CERS6: variants seen among roughly 807,000 people sequenced by gnomAD.
CERS6 encodes ceramide synthase 6.
CERS6 carries 26 observed loss-of-function variants against 56.8 expected under a neutral mutation model. The observed-to-expected ratio is 0.46, with a 90% CI of 0.34 to 0.63. CERS6 has a LOEUF of 0.63. Ranked by LOEUF, CERS6 falls within the 30% of genes least tolerant of loss-of-function variation. CERS6 has a pLI of 0.01. For missense variants in CERS6, 415 were observed against 467.5 expected (o/e 0.89, Z 1.04); for synonymous variants, 164 against 173.3 (o/e 0.95, Z 0.42).
At chr2:168,474,886 A>C (rs1308708202) in intron 1 of CERS6, among the ~76,000 whole-genome samples, 1 of 152,218 alleles carries the variant, frequency 6.6e-6, no homozygotes, top group Non-Finnish European at 1.5e-5. Context: ...AATGAAGAAT[A>C]TCTGTCCTTG....
At chr2:168,522,500 T>C (rs1268264591) in intron 1 of CERS6, among the ~76,000 whole-genome samples, 2 of 152,158 alleles carry the variant, frequency 1.3e-5, no homozygotes, top group Admixed American at 6.5e-5. Context: ...TTAGCATTCA[T>C]TGAAGTTAGG....
At chr2:168,739,052 A>ATTTTT (rs59967315) in intron 8 of CERS6, among the ~76,000 whole-genome samples, 128 of 87,646 alleles carry the variant, frequency 1.5e-3, no homozygotes, top group African/African-American at 1.9e-3. Context: ...CACCCGGCTA[A>ATTTTT]TTTTTTTTTT....
intron 6 of CERS6, among the ~76,000 whole-genome samples, chr2:168,709,916 T>C (rs1225635803): frequency 6.6e-6 from 1 of 152,184 alleles, no homozygotes; most frequent in African/African-American, 2.4e-5. Flanking sequence ...AAAATAATTA[T>C]TACATGGCCT....
At chr2:168,622,989 G>C (rs1485854068) in intron 3 of CERS6, among the ~76,000 whole-genome samples, 1 of 152,102 alleles carries the variant, frequency 6.6e-6, no homozygotes, top group Non-Finnish European at 1.5e-5. Flanking sequence ...TATTGTTTAA[G>C]ACATATGGGA....
chr2:168,533,633 G>A (rs1051819929), intron 1 of CERS6, among the ~76,000 whole-genome samples: 2 of 151,992 alleles, frequency 1.3e-5, no homozygotes, highest in Admixed American at 1.3e-4. Flanking sequence ...TTTCTCCCTG[G>A]CTGCCCTTAA....
In CERS6 at chr2:168,770,549, G is replaced by A. The variant is rs1684837455; in HGVS notation, c.*887G>A. 1 of 152,592 alleles carries A rather than the reference G, an allele frequency of 6.6e-6. No homozygotes were observed. The highest frequency in any genetic ancestry group is 2.4e-5 in the African/African-American group (1 of 41,420). 9.5% of individuals were successfully genotyped at this position (152,592 alleles called of 1,614,324 possible). ...TAAAGAGAGCAACTGATTTCAGCCA[G>A]GTTTTGCCACTACCCTATAATTAGT... On this transcript the variant is annotated 3_prime_UTR_variant, in exon 10 of 10. Coordinates refer to ENST00000305747, the MANE Select transcript of CERS6 (RefSeq NM_203463.3).
At chr2:168,660,800 T>G (rs1270017490) in intron 4 of CERS6, among the ~76,000 whole-genome samples, 1 of 152,216 alleles carries the variant, frequency 6.6e-6, no homozygotes, top group Admixed American at 6.5e-5. Flanking sequence ...AAAATTTGTG[T>G]CTCATTTTTT....
intron 3 of CERS6, among the ~76,000 whole-genome samples, chr2:168,569,288 T>A (rs757085736): frequency 6.6e-6 from 1 of 152,280 alleles, no homozygotes; most frequent in Non-Finnish European, 1.5e-5. Flanking sequence ...TGAATTACCT[T>A]ATTAACAGCC....
chr2:168,547,478 C>A, intron 1 of CERS6, 118 bp from the exon 2 acceptor site: 2 of 613,416 alleles, frequency 3.3e-6, no homozygotes, highest in Non-Finnish European at 5.8e-6. Flanking sequence ...AATGTACACC[C>A]ATGAAATCCT....
intron 1 of CERS6, among the ~76,000 whole-genome samples, chr2:168,471,152 C>G (rs1574004320): frequency 6.6e-6 from 1 of 152,230 alleles, no homozygotes; most frequent in East Asian, 1.9e-4. Flanking sequence ...TCCTATTTGC[C>G]TAGTGCTTTC....
intron 3 of CERS6, among the ~76,000 whole-genome samples, chr2:168,588,331 C>A (rs974204077): frequency 1.3e-5 from 2 of 152,116 alleles, no homozygotes; most frequent in African/African-American, 4.8e-5. Flanking sequence ...TTGTACAATG[C>A]AACCATCACC....
At chr2:168,605,788 GC>G (rs1684038344) in intron 3 of CERS6, among the ~76,000 whole-genome samples, 1 of 152,210 alleles carries the variant, frequency 6.6e-6, no homozygotes, top group Non-Finnish European at 1.5e-5. Flanking sequence ...TTGGTGTTAA[GC>G]CTGCAGGTGC....
rs1439012361 is a variant in CERS6, at chr2:168,620,062, C to CACACATATACATAT, written c.408-10922_408-10921insCACATATACATATA. ...ACACACACACACACACACACACACA[C>CACACATATACATAT]ATATTTATATATATATGATCTAATA... On this transcript the variant is annotated intron_variant, in intron 3 of 9. Transcript: ENST00000305747. Among the ~76,000 whole-genome samples, 188 of 70,066 alleles carry CACACATATACATAT rather than the reference C, an allele frequency of 2.7e-3. 5 individuals are homozygous for CACACATATACATAT. In the East Asian group the frequency reaches 0.032, roughly 12 times the overall value. The allele number at this position is 70,066 out of a possible 152,430, so 46.0% of individuals were successfully genotyped here.
intron 1 of CERS6, among the ~76,000 whole-genome samples, chr2:168,484,579 T>G (rs1694242335): frequency 6.6e-6 from 1 of 152,134 alleles, no homozygotes; most frequent in Middle Eastern, 3.2e-3. Flanking sequence ...ACATAATCAT[T>G]AAGTGTCCTG....
intron 8 of CERS6, among the ~76,000 whole-genome samples, chr2:168,731,791 A>C (rs922227979): frequency 6.6e-6 from 1 of 152,216 alleles, no homozygotes; most frequent in Admixed American, 6.5e-5. Context: ...CCAACCTCAA[A>C]TTCATAACAA....
At chr2:168,618,470 A>G (rs988613247) in intron 3 of CERS6, among the ~76,000 whole-genome samples, 9 of 152,172 alleles carry the variant, frequency 5.9e-5, no homozygotes, top group African/African-American at 2.2e-4. Context: ...ATGATTATAT[A>G]CCTGGAAAAC....
intron 4 of CERS6, among the ~76,000 whole-genome samples, chr2:168,686,451 CA>C (rs370352582): frequency 1.8e-3 from 249 of 139,794 alleles, no homozygotes; most frequent in African/African-American, 5.5e-3. Context: ...TTAACCAAGG[CA>C]AAAAAAAAAA....
intron 1 of CERS6, among the ~76,000 whole-genome samples, chr2:168,457,027 C>G (rs1163100180): frequency 8.5e-5 from 13 of 152,216 alleles, no homozygotes; most frequent in Admixed American, 8.5e-4. Flanking sequence ...CCCGCGCCAC[C>G]CACCTGACAG....
intron 4 of CERS6, among the ~76,000 whole-genome samples, chr2:168,636,700 T>A (rs929137133): frequency 6.6e-6 from 1 of 152,248 alleles, no homozygotes; most frequent in Non-Finnish European, 1.5e-5. Flanking sequence ...TCTTCAGTGC[T>A]GCTGCTTATT....
Sources: gnomAD v4.1 joint callset for allele counts (sites outside exome capture counted in the v4.1 genomes callset) on GRCh38, gnomAD v4.1.1 for gene constraint, MANE v1.5 for transcripts, NCBI Gene and HGNC (gene_info 2026-07-23, HGNC 2026-07-21) for gene names.